The following AATF variants were observed in gnomAD, a reference collection of about 807,000 sequenced individuals.
AATF encodes apoptosis antagonizing transcription factor.
In AATF, 48 loss-of-function variants were observed where a neutral mutation model predicts 63.7. That is an observed-to-expected ratio of 0.75 (90% CI 0.60 to 0.96). AATF has a LOEUF of 0.96. Among genes scored for constraint, AATF ranks in the 40% least tolerant of loss-of-function variants. The pLI, the probability that AATF is intolerant of heterozygous loss-of-function variation, is 0.00. For missense variants in AATF, 639 were observed against 685.7 expected (o/e 0.93, Z 0.76); for synonymous variants, 258 against 247.7 (o/e 1.04, Z -0.39).
chr17:36,984,901 GTTT>G (rs34905004), intron 4 of AATF, among the ~76,000 whole-genome samples: 3 of 130,056 alleles, frequency 2.3e-5, no homozygotes, highest in Admixed American at 1.6e-4. Flanking sequence ...GCCTCCCACA[GTTT>G]TTTTTTTTTT....
chr17:36,991,735 G>A (rs576065867), intron 8 of AATF, among the ~76,000 whole-genome samples: 11 of 151,988 alleles, frequency 7.2e-5, no homozygotes, highest in Non-Finnish European at 1.5e-4. Context: ...ACAGGCGCCC[G>A]CCACCAGGCC....
chr17:36,953,384 T>G (rs2070872996), intron 3 of AATF, 88 bp downstream of exon 3: 1 of 1,543,050 alleles, frequency 6.5e-7, no homozygotes, highest in Non-Finnish European at 8.7e-7. Context: ...CTATTCTCTA[T>G]CTCCTGTGTC....
intron 10 of AATF, among the ~76,000 whole-genome samples, chr17:37,024,252 T>A (rs1440011932): frequency 1.3e-5 from 2 of 152,158 alleles, no homozygotes; most frequent in Non-Finnish European, 2.9e-5. Flanking sequence ...TCAGGAAGAC[T>A]TGCACAAGAC....
At chr17:37,041,514 CT>C (rs1019654775) in intron 11 of AATF, among the ~76,000 whole-genome samples, 1 of 150,864 alleles carries the variant, frequency 6.6e-6, no homozygotes, top group Admixed American at 6.6e-5. Flanking sequence ...TTTTCTTTTT[CT>C]TTTTTTTTGA....
chr17:36,988,663 C>T lies in AATF; in HGVS notation c.1092C>T (p.Asn364=), dbSNP rs779984372. Residue 364 remains asparagine (N), a synonymous_variant, in exon 6 of 12, where the codon AAC becomes AAT. Transcript: ENST00000619387. The part of the protein sequence containing the change: ...KRFADFTVYR[N]RTLQKWHDKT... ...TTGCCGACTTTACAGTCTACAGGAA[C>T]CGCACACTTCAGAAATGGCACGATA... is the stretch of plus-strand genomic sequence containing the variant. 8.1e-6 allele frequency: 13 copies of T among 1,614,000 alleles called. No individual in the cohort carries two copies. The Admixed American group carries it at 1.2e-4, about 14-fold the overall frequency.
intron 3 of AATF, 28 bp from the exon 4 acceptor site, chr17:36,953,742 G>A (rs747247626): frequency 2.5e-6 from 4 of 1,603,634 alleles, no homozygotes; most frequent in Admixed American, 1.7e-5. Flanking sequence ...TATTATTGAG[G>A]AATGGGATTC....
At chr17:36,964,114 A>G (rs559117808) in intron 4 of AATF, among the ~76,000 whole-genome samples, 1 of 151,082 alleles carries the variant, frequency 6.6e-6, no homozygotes, top group Admixed American at 6.6e-5. Context: ...TTTAAAGGGG[A>G]GCAGAGAAAT....
intron 11 of AATF, chr17:37,054,529 A>G (rs2071781195): frequency 6.6e-6 from 1 of 152,228 alleles, no homozygotes; most frequent in South Asian, 2.1e-4. Flanking sequence ...TTGCTTTGCC[A>G]TGAACAGCTG....
intron 2 of AATF, 131 bp downstream of exon 2, chr17:36,950,536 G>T: frequency 1.0e-6 from 1 of 963,998 alleles, no homozygotes; most frequent in Non-Finnish European, 1.5e-6. Context: ...TTTGGCTCTT[G>T]TTGCCCAGGC....
chr17:37,019,218 A>G, intron 9 of AATF, 146 bp downstream of exon 9: 2 of 672,954 alleles, frequency 3.0e-6, no homozygotes, highest in South Asian at 3.7e-5. Context: ...AAATGTGACT[A>G]ATTGTTTACC....
chr17:37,047,164 C>G (rs552050883), intron 11 of AATF, among the ~76,000 whole-genome samples: 1 of 152,200 alleles, frequency 6.6e-6, no homozygotes, highest in Non-Finnish European at 1.5e-5. Flanking sequence ...TTTGTCTTCT[C>G]TCACATCAAA....
chr17:36,953,487 A>T (rs2070873855), intron 3 of AATF, among the ~76,000 whole-genome samples, 191 bp downstream of exon 3: 1 of 152,212 alleles, frequency 6.6e-6, no homozygotes, highest in Non-Finnish European at 1.5e-5. Flanking sequence ...TGATCTGCTT[A>T]GCTGGTTCTG....
At chr17:36,962,942 A>G (rs778802094) in intron 4 of AATF, among the ~76,000 whole-genome samples, 7 of 152,082 alleles carry the variant, frequency 4.6e-5, no homozygotes, top group Non-Finnish European at 1.0e-4. Context: ...ACATGGTGAA[A>G]TCCCCTCTCT....
At chr17:37,035,097 C>G (rs2071580892) in intron 11 of AATF, among the ~76,000 whole-genome samples, 1 of 150,346 alleles carries the variant, frequency 6.7e-6, no homozygotes, top group Non-Finnish European at 1.5e-5. Flanking sequence ...GCACTCCAGC[C>G]TGGGCGACAG....
intron 11 of AATF, among the ~76,000 whole-genome samples, chr17:37,035,006 T>A (rs1474746130): frequency 1.3e-5 from 2 of 150,300 alleles, no homozygotes; most frequent in Non-Finnish European, 3.0e-5. Context: ...GCGCCTGTAG[T>A]CCCAGCTACT....
intron 8 of AATF, among the ~76,000 whole-genome samples, chr17:37,017,001 G>A (rs1000617547): frequency 6.6e-6 from 1 of 152,238 alleles, no homozygotes; most frequent in African/African-American, 2.4e-5. Flanking sequence ...CTCAGAATAT[G>A]TATAGTACAC....
chr17:37,051,768 G>C (rs1357554418), intron 11 of AATF, among the ~76,000 whole-genome samples: 1 of 150,508 alleles, frequency 6.6e-6, no homozygotes, highest in Non-Finnish European at 1.5e-5. Context: ...GCTAATCCAT[G>C]ATCATTTTTT....
chr17:36,963,623 T>C (rs1030613011), intron 4 of AATF, among the ~76,000 whole-genome samples: 1 of 152,232 alleles, frequency 6.6e-6, no homozygotes, highest in African/African-American at 2.4e-5. Context: ...AAGATAAATA[T>C]ACAGAAGCCT....
intron 8 of AATF, among the ~76,000 whole-genome samples, chr17:37,004,899 T>C (rs189105109): frequency 1.6e-4 from 24 of 152,300 alleles, no homozygotes; most frequent in African/African-American, 5.5e-4. Context: ...TGGATGCAGG[T>C]ACTGAGATTT....
Sources: gnomAD v4.1 joint callset for allele counts (sites outside exome capture counted in the v4.1 genomes callset) on GRCh38, gnomAD v4.1.1 for gene constraint, MANE v1.5 for transcripts, NCBI Gene and HGNC (gene_info 2026-07-23, HGNC 2026-07-21) for gene names.